Variants in PCDHA8 observed in about 807,000 individuals in gnomAD.
PCDHA8 encodes protocadherin alpha-8.
In PCDHA8, 53 loss-of-function variants were observed where a neutral mutation model predicts 61.8. That is an observed-to-expected ratio of 0.86 (90% CI 0.69 to 1.08). The LOEUF (loss-of-function observed/expected upper bound fraction) is 1.08. Ranked by LOEUF, PCDHA8 falls within the 50% of genes least tolerant of loss-of-function variation. PCDHA8 has a pLI of 0.00. For synonymous variants in PCDHA8, 618 were observed against 556.6 expected, an observed-to-expected ratio of 1.11 and a Z score of -1.55; for missense variants, 1,293 against 1,245.0, an observed-to-expected ratio of 1.04 and a Z score of -0.58.
In PCDHA8 at chr5:140,848,545, C is replaced by T. The variant is rs2150412582; in HGVS notation, c.2394+4830C>T. On this transcript the variant is annotated intron_variant, in intron 1 of 3. Transcript: ENST00000531613. ...CCAGAGGGTCAGCCTCTACTGCTCT[C>T]GCTTCTGATCCTCGCAATGTGGGTG... is the stretch of plus-strand genomic sequence containing the variant. The T allele has an allele frequency of 7.5e-6, 12 of 1,595,324 alleles. No homozygotes were observed. In the South Asian group the frequency reaches 1.1e-4, roughly 15 times the overall value.
intron 1 of PCDHA8, chr5:140,869,664 G>A (rs1554163333): frequency 5.0e-6 from 8 of 1,613,474 alleles, no homozygotes; most frequent in Non-Finnish European, 6.8e-6. Flanking sequence ...CAAATGGTAA[G>A]CAGATTAAAA....
chr5:140,953,467 C>T (rs952334269), intron 1 of PCDHA8, among the ~76,000 whole-genome samples: 1 of 152,090 alleles, frequency 6.6e-6, no homozygotes, highest in African/African-American at 2.4e-5. Context: ...AGAGTTTTAA[C>T]TTCCTCATGC....
At chr5:140,863,236 G>A (rs782784210) in intron 1 of PCDHA8, 6 of 1,282,274 alleles carry the variant, frequency 4.7e-6, no homozygotes, top group Non-Finnish European at 4.4e-6. Context: ...CCCATCGCGG[G>A]CTTTGGCGGG....
chr5:140,950,581 C>T (rs1158445917), intron 1 of PCDHA8, among the ~76,000 whole-genome samples: 2 of 151,860 alleles, frequency 1.3e-5, no homozygotes, highest in Non-Finnish European at 2.9e-5. Flanking sequence ...TTCTACTTAC[C>T]TTTGGTTTAG....
intron 1 of PCDHA8, among the ~76,000 whole-genome samples, chr5:140,880,028 G>A (rs577776398): frequency 1.2e-4 from 19 of 152,308 alleles, no homozygotes; most frequent in African/African-American, 4.6e-4. Flanking sequence ...AAATCCACAA[G>A]TTCCAGGGAT....
chr5:140,953,456 C>T (rs1159331179), intron 1 of PCDHA8, among the ~76,000 whole-genome samples: 1 of 152,110 alleles, frequency 6.6e-6, no homozygotes, highest in Admixed American at 6.5e-5. Context: ...GATTATCTGT[C>T]AGAGTTTTAA....
intron 1 of PCDHA8, among the ~76,000 whole-genome samples, chr5:140,916,342 T>C (rs1365738177): frequency 2.0e-5 from 3 of 152,122 alleles, no homozygotes; most frequent in Admixed American, 6.5e-5. Context: ...TTCCTCTGTT[T>C]CTGTCAAACA....
rs1554145030 is a variant in PCDHA8 at position 140,850,906 on chromosome 5, T to C, written c.2394+7191T>C. On this transcript the variant is annotated intron_variant, in intron 1 of 3. Transcript: ENST00000531613. Reference sequence around the variant, plus strand: ...ACTGGGAAGGTGGGTTTTTCTAGCATTTTATTTATTTATATAATTTTTTTT... The same window carrying C: ...ACTGGGAAGGTGGGTTTTTCTAGCACTTTATTTATTTATATAATTTTTTTT... The C allele has an allele frequency of 1.3e-6, 2 of 1,550,722 alleles. 1 individual carries two copies. The highest frequency in any genetic ancestry group is 1.7e-6 in the Non-Finnish European group (2 of 1,145,138).
At chr5:140,928,252 G>T in intron 1 of PCDHA8, 1 of 1,614,208 alleles carries the variant, frequency 6.2e-7, no homozygotes, top group Non-Finnish European at 8.5e-7. Flanking sequence ...GGAACTTTTC[G>T]TTGCTGAAAA....
chr5:141,009,449 A>T, intron 3 of PCDHA8, among the ~76,000 whole-genome samples, 178 bp from the exon 4 acceptor site: 1 of 152,184 alleles, frequency 6.6e-6, no homozygotes, highest in Non-Finnish European at 1.5e-5. Context: ...GTCTCAAAAA[A>T]ATTAAACAAA....
intron 1 of PCDHA8, chr5:140,848,507 A>G: frequency 1.3e-6 from 2 of 1,588,934 alleles, no homozygotes. Flanking sequence ...TGTTATACTC[A>G]AGTCGAGGAG....
chr5:140,843,080 G>A lies in PCDHA8; in HGVS notation c.1759G>A (p.Ala587Thr), dbSNP rs1554139718. Residue 587 changes from alanine to threonine, a missense_variant, in exon 1 of 4, where the codon GCG (alanine) becomes ACG (threonine). Transcript: ENST00000531613. ...ASKLVPRSVG[A>T]GHVVAKVRAV... ...CAAGCTGGTGCCGCGGTCTGTGGGC[G>A]CGGGCCACGTGGTAGCGAAGGTGCG... The A allele has an allele frequency of 2.5e-6, 4 of 1,595,426 alleles. No homozygotes were observed. The highest frequency in any genetic ancestry group is 2.7e-5 in the African/African-American group (2 of 74,536).
At chr5:140,982,589 T>C in intron 3 of PCDHA8, 26 bp downstream of exon 3, 1 of 1,610,940 alleles carries the variant, frequency 6.2e-7, no homozygotes, top group Non-Finnish European at 8.5e-7. Context: ...CTCTCCATTC[T>C]TTCTTGGTTT....
chr5:140,941,506 G>T (rs556309408), intron 1 of PCDHA8, among the ~76,000 whole-genome samples: 1 of 151,236 alleles, frequency 6.6e-6, no homozygotes, highest in South Asian at 2.1e-4. Flanking sequence ...TAGTAGAGAC[G>T]AGGTTTCACC....
At chr5:140,956,925 G>GA (rs1487375223) in intron 1 of PCDHA8, among the ~76,000 whole-genome samples, 1 of 151,858 alleles carries the variant, frequency 6.6e-6, no homozygotes, top group Non-Finnish European at 1.5e-5. Context: ...AATCTTGCTG[G>GA]ATATAGGATA....
At chr5:140,922,927 T>C (rs1257564815) in intron 1 of PCDHA8, among the ~76,000 whole-genome samples, 1 of 152,214 alleles carries the variant, frequency 6.6e-6, no homozygotes, top group Non-Finnish European at 1.5e-5. Flanking sequence ...TTCAGACTTT[T>C]ACTTCCAGCA....
chr5:140,928,900 G>A lies in PCDHA8; in HGVS notation c.2395-50049G>A, dbSNP rs782597882. On this transcript the variant is annotated intron_variant, in intron 1 of 3. Coordinates refer to ENST00000531613, the MANE Select transcript of PCDHA8 (RefSeq NM_018911.3). ...TCAGTTACTTCCAGACTTTGAAGATGTCTGGGAACCAGGAGGGCAGCTTTC... is the reference window on the plus strand; with the variant it reads ...TCAGTTACTTCCAGACTTTGAAGATATCTGGGAACCAGGAGGGCAGCTTTC... The A allele has an allele frequency of 3.1e-6, 5 of 1,614,212 alleles. No homozygotes were observed. The South Asian group carries it at 5.5e-5, about 18-fold the overall frequency.
intron 1 of PCDHA8, chr5:140,884,043 C>A (rs1196406346): frequency 6.2e-7 from 1 of 1,613,248 alleles, no homozygotes; most frequent in African/African-American, 1.3e-5. Flanking sequence ...CACGTGGTGG[C>A]GAAGGTGCGC....
At chr5:140,878,586 C>T (rs1020008029) in intron 1 of PCDHA8, among the ~76,000 whole-genome samples, 9 of 152,164 alleles carry the variant, frequency 5.9e-5, no homozygotes, top group Non-Finnish European at 1.3e-4. Context: ...TGCCCTGTGC[C>T]TATTACCAAG....
Sources: allele counts gnomAD v4.1 joint callset (sites outside exome capture counted in the v4.1 genomes callset), GRCh38; gene constraint gnomAD v4.1.1; transcripts MANE v1.5; gene names NCBI Gene and HGNC (gene_info 2026-07-23, HGNC 2026-07-21).